Variants in SYT17 observed in about 807,000 individuals in gnomAD.
SYT17 encodes the protein synaptotagmin 17.
Under a neutral mutation model 46.7 loss-of-function variants are expected in SYT17, and 22 were observed. The ratio of observed to expected loss-of-function variants is 0.47; its 90% confidence interval spans 0.34 to 0.67. The LOEUF is 0.67. Ranked by LOEUF, SYT17 falls within the 30% of genes least tolerant of loss-of-function variation. The pLI is 0.01. For missense variants in SYT17, 519 were observed against 612.8 expected, an observed-to-expected ratio of 0.85 and a Z score of 1.62; for synonymous variants, 251 against 248.4, an observed-to-expected ratio of 1.01 and a Z score of -0.10.
At chr16:19,226,542 G>A (rs117644952) in intron 7 of SYT17, among the ~76,000 whole-genome samples, 3,311 of 152,302 alleles carry the variant, frequency 0.022, 52 homozygotes, top group Non-Finnish European at 0.036. Flanking sequence ...TAGAGTCTGC[G>A]TTGAATCAGG....
Position 19,257,454 on chromosome 16 carries a change from A to G in SYT17, c.1229-9426A>G, listed in dbSNP as rs1968656307. 2.0e-5 allele frequency among the ~76,000 whole-genome samples: 3 copies of G among 152,144 alleles called. No individual in the cohort carries two copies. The South Asian group carries it at 6.2e-4, about 32-fold the overall frequency. Reference sequence around the variant, plus strand: ...TCTAGGTTTCTGAAAGAAGAAAAAAAAGAGAGTGCTCCAGTGAGAAGAGGT... The same window carrying G: ...TCTAGGTTTCTGAAAGAAGAAAAAAGAGAGAGTGCTCCAGTGAGAAGAGGT... On this transcript the variant is annotated intron_variant, in intron 7 of 7. Coordinates refer to ENST00000355377, the MANE Select transcript of SYT17 (RefSeq NM_016524.4).
At chr16:19,175,199 C>G (rs1227758645) in intron 3 of SYT17, among the ~76,000 whole-genome samples, 1 of 152,118 alleles carries the variant, frequency 6.6e-6, no homozygotes, top group Non-Finnish European at 1.5e-5. Context: ...GTTTTATAAG[C>G]ATTTATTTCT....
chr16:19,192,148 G>C (rs957071947), intron 5 of SYT17, among the ~76,000 whole-genome samples: 1 of 152,146 alleles, frequency 6.6e-6, no homozygotes, highest in Non-Finnish European at 1.5e-5. Flanking sequence ...GGCCAGGCAC[G>C]GTGCCTCACA....
At chr16:19,241,478 T>G (rs2142964775) in intron 7 of SYT17, among the ~76,000 whole-genome samples, 1 of 152,304 alleles carries the variant, frequency 6.6e-6, no homozygotes, top group African/African-American at 2.4e-5. Context: ...CGCTTGTGAC[T>G]GCTCCCACCC....
At chr16:19,264,727 G>A (rs1035366438) in intron 7 of SYT17, among the ~76,000 whole-genome samples, 1 of 152,002 alleles carries the variant, frequency 6.6e-6, no homozygotes, top group African/African-American at 2.4e-5. Context: ...GAGTAGCTGG[G>A]ACTACAGGCA....
intron 3 of SYT17, among the ~76,000 whole-genome samples, chr16:19,175,555 T>C (rs566031835): frequency 2.1e-4 from 32 of 150,424 alleles, no homozygotes; most frequent in East Asian, 1.9e-4. Context: ...GGAGGCTGAG[T>C]TGGAAGGATC....
chr16:19,173,904 T>C (rs1964209886), intron 3 of SYT17, among the ~76,000 whole-genome samples: 1 of 152,058 alleles, frequency 6.6e-6, no homozygotes, highest in Non-Finnish European at 1.5e-5. Context: ...GAAAAGGAGA[T>C]CTGTGAGCCG....
At chr16:19,223,556 G>T (rs1470508604) in intron 6 of SYT17, among the ~76,000 whole-genome samples, 3 of 152,190 alleles carry the variant, frequency 2.0e-5, no homozygotes, top group Non-Finnish European at 2.9e-5. Flanking sequence ...ACTCTGAAAA[G>T]ACTTGTATTT....
chr16:19,224,607 G>A (rs1244869464), intron 6 of SYT17, 76 bp from the exon 7 acceptor site: 11 of 1,510,422 alleles, frequency 7.3e-6, no homozygotes. Flanking sequence ...ATGGATGGGA[G>A]GTTGAATGGC....
intron 5 of SYT17, among the ~76,000 whole-genome samples, chr16:19,207,109 C>T (rs1965702470): frequency 6.6e-6 from 1 of 152,258 alleles, no homozygotes; most frequent in East Asian, 1.9e-4. Context: ...CTCTTGCTTC[C>T]TCTCGTGCCC....
chr16:19,242,508 T>C (rs1052286290), intron 7 of SYT17, among the ~76,000 whole-genome samples: 16 of 151,888 alleles, frequency 1.1e-4, no homozygotes, highest in Non-Finnish European at 1.8e-4. Flanking sequence ...GGAACTTAGA[T>C]GATACATTTT....
Position 19,180,450 on chromosome 16 carries a change from C to T in SYT17, c.242C>T (p.Pro81Leu), listed in dbSNP as rs201799218. The change falls in exon 4 of 8, where the codon CCG (proline) becomes CTG (leucine). Residue 81 changes from proline (P) to leucine (L), a missense_variant. Physicochemically the swap from Pro to Leu is moderately conservative, Grantham distance 98. Coordinates refer to ENST00000355377, the MANE Select transcript of SYT17 (RefSeq NM_016524.4). ...TCTGTCCACACGGCCAGCGAAGTCC[C>T]GCTGACCCCACGGACCAATTCCCCG... The part of the protein sequence containing the change: ...GDSVHTASEV[P>L]LTPRTNSPDG... 1.9e-6 allele frequency: 3 copies of T among 1,614,154 alleles called. No individual in the cohort carries two copies. The highest frequency in any genetic ancestry group is 2.7e-5 in the African/African-American group (2 of 75,038).
At chr16:19,205,867 C>T (rs1276655192) in intron 5 of SYT17, among the ~76,000 whole-genome samples, 2 of 152,204 alleles carry the variant, frequency 1.3e-5, no homozygotes, top group East Asian at 1.9e-4. Context: ...TAACTGCTAT[C>T]AGACATTACA....
In SYT17 at chr16:19,207,551, A is replaced by C. The variant is rs535752782; in HGVS notation, c.952-15494A>C. 3.9e-5 allele frequency among the ~76,000 whole-genome samples: 6 copies of C among 152,238 alleles called. No individual in the cohort carries two copies. The South Asian group carries it at 1.2e-3, about 32-fold the overall frequency. On this transcript the variant is annotated intron_variant, in intron 5 of 7. Transcript: ENST00000355377. Reference sequence around the variant, plus strand: ...GACAGAGAATGGGGAGGGGCCACACACTTTTAAACAACCAGATCTCCTGAG... The same window carrying C: ...GACAGAGAATGGGGAGGGGCCACACCCTTTTAAACAACCAGATCTCCTGAG...
At chr16:19,191,239 T>C (rs555583733) in intron 5 of SYT17, among the ~76,000 whole-genome samples, 1 of 152,114 alleles carries the variant, frequency 6.6e-6, no homozygotes, top group East Asian at 1.9e-4. Flanking sequence ...GAAATGTGTA[T>C]GGGTGCCATG....
rs1003002454 is a variant in SYT17, at chr16:19,168,687, C to T, written c.15+26C>T. The stretch of plus-strand genomic sequence containing the variant: ...GTAGGGCTGAGGCTGGGGGCAAGGT[C>T]CGGGGTGCGGGTAGGGGGTGCCGCG... On this transcript the variant is annotated intron_variant, in intron 1 of 7. Transcript: ENST00000355377. This position sits in a 1 kb window ranked among gnomAD's most constrained non-coding sequence, Gnocchi z 6.9. 1 of 1,496,026 alleles carries T rather than the reference C, an allele frequency of 6.7e-7. No homozygotes were observed. 92.7% of individuals were successfully genotyped at this position (1,496,026 alleles called of 1,614,324 possible).
intron 5 of SYT17, among the ~76,000 whole-genome samples, chr16:19,187,477 C>T (rs1039331952): frequency 2.0e-5 from 3 of 152,132 alleles, no homozygotes; most frequent in East Asian, 1.9e-4. Flanking sequence ...TGTATTTGCT[C>T]ACATTTGGGG....
At chr16:19,211,569 A>C (rs1965902325) in intron 5 of SYT17, 1 of 664,910 alleles carries the variant, frequency 1.5e-6, no homozygotes. Flanking sequence ...GTGACTGTTG[A>C]GTTGAGATTC....
intron 3 of SYT17, among the ~76,000 whole-genome samples, chr16:19,179,450 T>G (rs1407943820): frequency 2.6e-5 from 4 of 152,044 alleles, no homozygotes; most frequent in Middle Eastern, 3.4e-3. Flanking sequence ...CAACTTTCAG[T>G]AGAGATGGGT....
Sources: gnomAD v4.1 joint callset for allele counts (sites outside exome capture counted in the v4.1 genomes callset) on GRCh38, gnomAD v4.1.1 for gene constraint, Gnocchi (gnomAD v3.1) non-coding constraint, MANE v1.5 for transcripts, NCBI Gene and HGNC (gene_info 2026-07-23, HGNC 2026-07-21) for gene names.